JMJD1C: variants seen among roughly 807,000 people sequenced by gnomAD.
JMJD1C encodes the protein jumonji domain-containing protein 1C.
A neutral mutation model predicts 245.3 loss-of-function variants in JMJD1C; 31 were observed. The observed-to-expected ratio is 0.13, with a 90% CI of 0.09 to 0.17. The LOEUF is 0.17. Ranked by LOEUF, JMJD1C falls within the 10% of genes least tolerant of loss-of-function variation. The pLI is 1.00. For synonymous variants in JMJD1C, 1,057 were observed against 1,017.4 expected (o/e 1.04, Z -0.74); for missense variants, 2,691 against 3,000.2 (o/e 0.90, Z 2.41).
chr10:63,312,721 C>T (rs1188891225), intron 2 of JMJD1C, among the ~76,000 whole-genome samples: 1 of 152,076 alleles, frequency 6.6e-6, no homozygotes, highest in East Asian at 1.9e-4. Context: ...ATTTTCTCTC[C>T]ATAGTATGTT....
chr10:63,340,017 G>A (rs922092038), intron 2 of JMJD1C, among the ~76,000 whole-genome samples: 6 of 152,018 alleles, frequency 3.9e-5, no homozygotes, highest in East Asian at 1.9e-4. Context: ...CTGAGATAGC[G>A]CCACTGCACT....
chr10:63,511,723 A>G (rs1225033562), intron 1 of JMJD1C, among the ~76,000 whole-genome samples: 1 of 152,086 alleles, frequency 6.6e-6, no homozygotes, highest in Non-Finnish European at 1.5e-5. Flanking sequence ...TCTCAAAAAA[A>G]AAAAAATATA....
At chr10:63,497,092 G>A (rs1954388241) in intron 1 of JMJD1C, among the ~76,000 whole-genome samples, 1 of 151,784 alleles carries the variant, frequency 6.6e-6, no homozygotes, top group Non-Finnish European at 1.5e-5. Flanking sequence ...TGAGAGAAAT[G>A]TTATATTATT....
intron 3 of JMJD1C, among the ~76,000 whole-genome samples, chr10:63,238,120 G>T (rs1850993820): frequency 6.9e-6 from 1 of 144,642 alleles, no homozygotes; most frequent in South Asian, 2.2e-4. Context: ...GGTGGAGGTT[G>T]CAGCAAGCCA....
intron 3 of JMJD1C, among the ~76,000 whole-genome samples, chr10:63,255,268 T>A (rs1406377497): frequency 6.6e-6 from 1 of 152,222 alleles, no homozygotes; most frequent in Non-Finnish European, 1.5e-5. Context: ...CTTATATTTA[T>A]TTCTTCTTTT....
At chr10:63,397,004 A>C (rs1948543494) in intron 1 of JMJD1C, among the ~76,000 whole-genome samples, 1 of 150,600 alleles carries the variant, frequency 6.6e-6, no homozygotes, top group South Asian at 2.1e-4. Context: ...ATCATGACTG[A>C]AGAAAGCTTT....
intron 1 of JMJD1C, among the ~76,000 whole-genome samples, chr10:63,428,884 A>G (rs997074167): frequency 4.6e-5 from 7 of 152,180 alleles, no homozygotes; most frequent in African/African-American, 1.7e-4. Context: ...CGGTCAAGGT[A>G]AGCCAGGTTA....
chr10:63,368,257 A>G (rs1946018906), intron 2 of JMJD1C, among the ~76,000 whole-genome samples: 1 of 152,174 alleles, frequency 6.6e-6, no homozygotes, highest in East Asian at 1.9e-4. Flanking sequence ...TGTCCTGGGA[A>G]ATGTTGGAGA....
chr10:63,491,949 G>C (rs1326139523), intron 1 of JMJD1C, among the ~76,000 whole-genome samples: 2 of 152,254 alleles, frequency 1.3e-5, no homozygotes, highest in East Asian at 1.9e-4. Context: ...AAGAGGGGCA[G>C]AGCGGGGGGA....
intron 2 of JMJD1C, among the ~76,000 whole-genome samples, chr10:63,287,900 C>T (rs1457510037): frequency 3.3e-5 from 5 of 152,034 alleles, no homozygotes; most frequent in Non-Finnish European, 5.9e-5. Flanking sequence ...GACACCTGTA[C>T]CACACCTGGC....
At chr10:63,181,509 A>T (rs4293015) in intron 22 of JMJD1C, among the ~76,000 whole-genome samples, 150,013 of 152,286 alleles carry the variant, frequency 0.99, 73,921 homozygotes, top group Middle Eastern at 1. Flanking sequence ...AAAAATCATG[A>T]TCTTTTAAGT....
chr10:63,357,868 G>C (rs12413043), intron 2 of JMJD1C, among the ~76,000 whole-genome samples: 26 of 101,942 alleles, frequency 2.6e-4, no homozygotes, highest in South Asian at 6.7e-4. Context: ...CACACACACA[G>C]AGACAAACTC....
chr10:63,486,605 T>TA (rs772197217), intron 1 of JMJD1C, among the ~76,000 whole-genome samples: 4 of 152,234 alleles, frequency 2.6e-5, no homozygotes, highest in East Asian at 3.9e-4. Flanking sequence ...CTCTCTCATC[T>TA]AAAAAAACAA....
chr10:63,341,315 C>T (rs999101283), intron 2 of JMJD1C, among the ~76,000 whole-genome samples: 10 of 152,306 alleles, frequency 6.6e-5, no homozygotes, highest in Non-Finnish European at 7.4e-5. Context: ...GAAAATGTGA[C>T]GCCAGAACAA....
intron 2 of JMJD1C, among the ~76,000 whole-genome samples, chr10:63,374,474 C>G: frequency 6.6e-6 from 1 of 151,948 alleles, no homozygotes; most frequent in East Asian, 1.9e-4. Flanking sequence ...ATAAAAACAC[C>G]CCAACACTGA....
At chr10:63,203,244 C>T (rs1239355553) in intron 10 of JMJD1C, 1 of 980,636 alleles carries the variant, frequency 1.0e-6, no homozygotes, top group East Asian at 1.1e-4. Flanking sequence ...AATAAAACTT[C>T]ATCCTTCAAT....
intron 12 of JMJD1C, among the ~76,000 whole-genome samples, chr10:63,198,102 T>C (rs920102410): frequency 6.6e-6 from 1 of 152,226 alleles, no homozygotes; most frequent in East Asian, 1.9e-4. Flanking sequence ...ATTAATGAGA[T>C]AGTTATCTTT....
rs1846360854 is a variant in JMJD1C, at chr10:63,204,373, G to A, written c.5074+2222C>T. 3 of 984,498 alleles carry A rather than the reference G, an allele frequency of 3.0e-6. No homozygotes were observed. In the South Asian group the frequency reaches 1.4e-4, roughly 46 times the overall value. The allele number at this position is 984,498 out of a possible 1,614,324, so 61.0% of individuals were successfully genotyped here. On this transcript the variant is annotated intron_variant, in intron 10 of 25. Transcript: ENST00000399262. ...GGCCCTTTTCTTAGAACTCTTACAT[G>A]TGAATATGTATATTCGTCTCAAGAT...
intron 2 of JMJD1C, among the ~76,000 whole-genome samples, chr10:63,361,719 T>TAAAAAAAAAAAAAAAAAAAAAA (rs55879769): frequency 1.0e-5 from 1 of 95,606 alleles, no homozygotes; most frequent in African/African-American, 4.4e-5. Flanking sequence ...CTGTCTCAAC[T>TAAAAAAAAAAAAAAAAAAAAAA]AAAAAAAAAA....
Sources: gnomAD v4.1 joint callset for allele counts (sites outside exome capture counted in the v4.1 genomes callset) on GRCh38, gnomAD v4.1.1 for gene constraint, MANE v1.5 for transcripts, NCBI Gene and HGNC (gene_info 2026-07-23, HGNC 2026-07-21) for gene names.